The following ATXN7L1 variants were observed in gnomAD, a reference collection of about 807,000 sequenced individuals.
ATXN7L1 encodes ataxin 7 like 1.
Under a neutral mutation model 70.8 loss-of-function variants are expected in ATXN7L1, and 15 were observed. The observed-to-expected ratio is 0.21, with a 90% CI of 0.14 to 0.33. The LOEUF is 0.33. Ranked by LOEUF, ATXN7L1 falls within the 10% of genes least tolerant of loss-of-function variation. ATXN7L1 has a pLI of 1.00. For synonymous variants in ATXN7L1, 440 were observed against 445.1 expected (o/e 0.99, Z 0.14); for missense variants, 975 against 1,097.1 (o/e 0.89, Z 1.57).
At chr7:105,645,226 T>C (rs1798808716) in intron 4 of ATXN7L1, among the ~76,000 whole-genome samples, 1 of 152,134 alleles carries the variant, frequency 6.6e-6, no homozygotes, top group African/African-American at 2.4e-5. Context: ...GAAATGTACA[T>C]TAAAAACGGT....
intron 2 of ATXN7L1, among the ~76,000 whole-genome samples, chr7:105,863,397 G>C (rs761827827): frequency 4.6e-5 from 7 of 152,210 alleles, no homozygotes; most frequent in African/African-American, 1.7e-4. Flanking sequence ...AGGTAGTTCA[G>C]CCTTGCCATT....
intron 2 of ATXN7L1, among the ~76,000 whole-genome samples, chr7:105,793,372 CCAGGAGGGACT>C (rs1805526276): frequency 6.6e-6 from 1 of 152,194 alleles, no homozygotes; most frequent in Non-Finnish European, 1.5e-5. Flanking sequence ...GTACCTTTTT[CCAGGAGGGACT>C]CAGGAGAGAG....
At chr7:105,727,777 T>TGTACACACACAC (rs1554442582) in intron 3 of ATXN7L1, among the ~76,000 whole-genome samples, 1 of 90,246 alleles carries the variant, frequency 1.1e-5, no homozygotes, top group African/African-American at 6.1e-5. Flanking sequence ...TATATATATA[T>TGTACACACACAC]ACACACACAT....
intron 3 of ATXN7L1, among the ~76,000 whole-genome samples, chr7:105,775,419 G>A (rs1207659250): frequency 6.6e-6 from 1 of 152,126 alleles, no homozygotes; most frequent in Non-Finnish European, 1.5e-5. Context: ...AGCATCTGGG[G>A]GCAAGCCTGC....
chr7:105,678,741 T>C (rs573259617), intron 3 of ATXN7L1, among the ~76,000 whole-genome samples: 1 of 151,816 alleles, frequency 6.6e-6, no homozygotes, highest in South Asian at 2.1e-4. Flanking sequence ...TGCTAGAAAA[T>C]TTTCCACTCC....
rs780800984 is a variant in ATXN7L1 at position 105,626,149 on chromosome 7, A to G, written c.1203-1882T>C. Among the ~76,000 whole-genome samples the G allele has an allele frequency of 9.1e-4, 139 of 152,262 alleles. 1 individual carries two copies. The highest frequency in any genetic ancestry group is 1.2e-3 in the Non-Finnish European group (83 of 68,050). ...GTGAAAACAACCCAACTGTCCATCA[A>G]CAGATGACAAGATAAAATATGGTAT... On this transcript the variant is annotated intron_variant, in intron 7 of 11. Coordinates refer to ENST00000419735, the MANE Select transcript of ATXN7L1 (RefSeq NM_020725.2).
At chr7:105,610,665 T>A in intron 10 of ATXN7L1, 62 bp from the exon 11 acceptor site, 1 of 1,395,744 alleles carries the variant, frequency 7.2e-7, no homozygotes. Flanking sequence ...GGCCCGCCGA[T>A]GCCACATGTT....
At chr7:105,621,470 T>C (rs1311260386) in intron 8 of ATXN7L1, among the ~76,000 whole-genome samples, 3 of 152,188 alleles carry the variant, frequency 2.0e-5, no homozygotes, top group Non-Finnish European at 4.4e-5. Flanking sequence ...TCCTTCTCCT[T>C]AGTATGAGGA....
chr7:105,636,447 GC>G (rs11433155), intron 7 of ATXN7L1, among the ~76,000 whole-genome samples: 37 of 139,470 alleles, frequency 2.7e-4, no homozygotes, highest in African/African-American at 5.8e-4. Context: ...GTGTTCCTCT[GC>G]CCCCCCCACC....
intron 3 of ATXN7L1, among the ~76,000 whole-genome samples, chr7:105,786,947 G>A (rs1052396540): frequency 1.5e-4 from 23 of 152,278 alleles, no homozygotes; most frequent in African/African-American, 5.5e-4. Context: ...CTCACAAGAC[G>A]CACAGAAGCA....
At chr7:105,717,593 G>T (rs1794721026) in intron 3 of ATXN7L1, among the ~76,000 whole-genome samples, 1 of 152,160 alleles carries the variant, frequency 6.6e-6, no homozygotes, top group Admixed American at 6.6e-5. Context: ...ATTCTGAGAA[G>T]CATAAATTTT....
At chr7:105,733,620 AT>A (rs1796924447) in intron 3 of ATXN7L1, among the ~76,000 whole-genome samples, 2 of 130,550 alleles carry the variant, frequency 1.5e-5, no homozygotes, top group South Asian at 2.7e-4. Flanking sequence ...CCATCCATCC[AT>A]CCATCCATCC....
chr7:105,673,844 T>C (rs967564263), intron 3 of ATXN7L1, among the ~76,000 whole-genome samples: 4 of 152,246 alleles, frequency 2.6e-5, no homozygotes, highest in African/African-American at 9.6e-5. Context: ...CCTGGGCCTG[T>C]TGTCTCATTT....
intron 3 of ATXN7L1, among the ~76,000 whole-genome samples, chr7:105,773,711 C>T (rs1458021079): frequency 6.6e-6 from 1 of 152,010 alleles, no homozygotes; most frequent in East Asian, 1.9e-4. Flanking sequence ...GGATGTGCTA[C>T]CAGTCCAATG....
intron 4 of ATXN7L1, chr7:105,649,281 G>T: frequency 3.7e-6 from 3 of 819,996 alleles, no homozygotes; most frequent in Non-Finnish European, 4.4e-6. Context: ...TTCCCCTGCT[G>T]TGTCTAATAT....
At chr7:105,743,087 G>A (rs1229065832) in intron 3 of ATXN7L1, among the ~76,000 whole-genome samples, 2 of 152,170 alleles carry the variant, frequency 1.3e-5, no homozygotes, top group African/African-American at 4.8e-5. Context: ...GGTCAGAGAT[G>A]AGTGGGAGCT....
At chr7:105,744,072 G>C (rs1320325947) in intron 3 of ATXN7L1, among the ~76,000 whole-genome samples, 3 of 152,102 alleles carry the variant, frequency 2.0e-5, no homozygotes, top group Non-Finnish European at 4.4e-5. Flanking sequence ...AAATGGCTGT[G>C]CTCCTTGTGC....
At chr7:105,650,612 C>T (rs1214058611) in intron 4 of ATXN7L1, among the ~76,000 whole-genome samples, 2 of 152,214 alleles carry the variant, frequency 1.3e-5, no homozygotes, top group Non-Finnish European at 2.9e-5. Flanking sequence ...TAGCAGGGCT[C>T]AATTTCAGCC....
chr7:105,680,943 G>T (rs1805466697), intron 3 of ATXN7L1, among the ~76,000 whole-genome samples: 1 of 152,184 alleles, frequency 6.6e-6, no homozygotes, highest in Admixed American at 6.5e-5. Context: ...GCCTCTTGCA[G>T]CCCTGCTCTC....
Sources: allele counts gnomAD v4.1 joint callset (sites outside exome capture counted in the v4.1 genomes callset), GRCh38; gene constraint gnomAD v4.1.1; transcripts MANE v1.5; gene names NCBI Gene and HGNC (gene_info 2026-07-23, HGNC 2026-07-21).